The following HMGXB3 variants were observed in gnomAD, a reference collection of about 807,000 sequenced individuals.
HMGXB3 encodes the protein HMG domain-containing protein 3.
A neutral mutation model predicts 121.5 loss-of-function variants in HMGXB3; 45 were observed. The ratio of observed to expected loss-of-function variants is 0.37; its 90% CI spans 0.29 to 0.47. The LOEUF is 0.47. Ranked by LOEUF, HMGXB3 falls within the 20% of genes least tolerant of loss-of-function variation. The probability of loss-of-function intolerance (pLI) is 0.99; values close to 1 mark genes in which losing one functional copy is unlikely to be tolerated. For missense variants in HMGXB3, 1,376 were observed against 1,602.2 expected (o/e 0.86, Z 2.41); for synonymous variants, 590 against 624.1 (o/e 0.95, Z 0.81).
At chr5:150,020,592 A>G (rs187105102) in intron 6 of HMGXB3, among the ~76,000 whole-genome samples, 1 of 151,880 alleles carries the variant, frequency 6.6e-6, no homozygotes, top group East Asian at 1.9e-4. Context: ...CCACTTTGAA[A>G]TAACTTTTTT....
intron 13 of HMGXB3, 125 bp downstream of exon 13, chr5:150,037,652 GTCT>G: frequency 1.3e-6 from 1 of 764,812 alleles, no homozygotes; most frequent in African/African-American, 1.8e-5. Flanking sequence ...GGAAGGGGGA[GTCT>G]TCTTCCTAAA....
rs1170824923 is a variant in HMGXB3 at position 150,026,772 on chromosome 5, A to G, written c.1527A>G (p.Ser509=). 1 of 1,550,774 alleles carries G rather than the reference A, an allele frequency of 6.4e-7. No individual in the cohort carries two copies. The highest frequency in any genetic ancestry group is 2.0e-5 in the Admixed American group (1 of 50,716). Residue 509 remains serine, a synonymous_variant, in exon 8 of 20, where the codon TCA becomes TCG. Transcript: ENST00000502717. ...ELKGRARGKP[S]LLAAARPMRA... ...AAGGCAGAGCACGGGGCAAGCCCTCATTACTGGCTGCAGCAAGACCCATGA... is the reference window on the plus strand; with the variant it reads ...AAGGCAGAGCACGGGGCAAGCCCTCGTTACTGGCTGCAGCAAGACCCATGA...
In HMGXB3 at chr5:150,044,898, C is replaced by T. The variant is rs185317579; in HGVS notation, c.2731-568C>T. Among the ~76,000 whole-genome samples the T allele has an allele frequency of 7.2e-5, 11 of 152,130 alleles. No homozygotes were observed. The East Asian group carries it at 9.7e-4, about 13-fold the overall frequency. On this transcript the variant is annotated intron_variant, in intron 15 of 19. Coordinates refer to ENST00000502717, the MANE Select transcript of HMGXB3 (RefSeq NM_014983.3). The stretch of plus-strand genomic sequence containing the variant: ...TCTATAAGAGATAAGTAAATGCTGC[C>T]CTGGGTAGAGGAGATAGCTGTGTGC...
intron 9 of HMGXB3, among the ~76,000 whole-genome samples, chr5:150,027,335 G>GA (rs765036608): frequency 6.6e-6 from 1 of 152,024 alleles, no homozygotes; most frequent in Non-Finnish European, 1.5e-5. Context: ...TTATAACTTA[G>GA]AAAAAAGTCA....
At chr5:150,033,290 T>C (rs915142740) in intron 11 of HMGXB3, among the ~76,000 whole-genome samples, 1 of 152,210 alleles carries the variant, frequency 6.6e-6, no homozygotes, top group African/African-American at 2.4e-5. Flanking sequence ...GAAATGTCAC[T>C]GGTCTGCCTT....
chr5:150,051,058 C>A (rs1366756665), intron 19 of HMGXB3, among the ~76,000 whole-genome samples: 3 of 152,224 alleles, frequency 2.0e-5, no homozygotes, highest in Non-Finnish European at 2.9e-5. Flanking sequence ...AGAAAACACT[C>A]ATCTTATCCA....
At position 150,052,201 on chromosome 5, in the gene HMGXB3, G is replaced by T. The variant is rs968981560; in HGVS notation, c.*9G>T. 1.6e-5 allele frequency: 24 copies of T among 1,527,216 alleles called. No individual in the cohort carries two copies. In the African/African-American group the frequency reaches 2.8e-4, roughly 17 times the overall value. The allele number at this position is 1,527,216 out of a possible 1,614,324, so 94.6% of individuals were successfully genotyped here. ...CCGCAGTGGCAGAATAAGCCAGGCT[G>T]TTGTACAGGGACTACACCATCTCTC... On this transcript the variant is annotated 3_prime_UTR_variant, in exon 20 of 20. Transcript: ENST00000502717.
intron 16 of HMGXB3, 104 bp from the exon 17 acceptor site, chr5:150,047,519 GC>G: frequency 7.4e-7 from 1 of 1,351,480 alleles, no homozygotes. Context: ...CTGGGGGAGG[GC>G]TTGGTGCAGA....
At chr5:150,038,261 A>G (rs569409898) in intron 13 of HMGXB3, among the ~76,000 whole-genome samples, 13 of 152,280 alleles carry the variant, frequency 8.5e-5, no homozygotes, top group African/African-American at 3.1e-4. Context: ...TGAAGATGAA[A>G]GTGTATTTTT....
chr5:150,039,251 A>C (rs928317060), intron 13 of HMGXB3, among the ~76,000 whole-genome samples: 5 of 152,226 alleles, frequency 3.3e-5, no homozygotes, highest in Non-Finnish European at 5.9e-5. Context: ...TGACATGCCT[A>C]ACAATGTTGA....
intron 5 of HMGXB3, among the ~76,000 whole-genome samples, chr5:150,017,801 A>G (rs542311462): frequency 2.2e-4 from 34 of 152,342 alleles, no homozygotes; most frequent in African/African-American, 7.9e-4. Flanking sequence ...TCCAGCCTTA[A>G]TCTAGAAGCG....
At chr5:150,034,689 T>C (rs1283262120) in intron 11 of HMGXB3, among the ~76,000 whole-genome samples, 1 of 152,236 alleles carries the variant, frequency 6.6e-6, no homozygotes, top group East Asian at 1.9e-4. Flanking sequence ...GTGTAATTAC[T>C]GCTTTCCAGA....
At chr5:150,011,693 C>G (rs1248904959) in intron 4 of HMGXB3, among the ~76,000 whole-genome samples, 1 of 151,202 alleles carries the variant, frequency 6.6e-6, no homozygotes, top group Non-Finnish European at 1.5e-5. Flanking sequence ...CAACCTCCAC[C>G]TCCCGGGTTC....
intron 18 of HMGXB3, 87 bp from the exon 19 acceptor site, chr5:150,050,165 T>C: frequency 8.4e-7 from 1 of 1,192,512 alleles, no homozygotes; most frequent in Non-Finnish European, 1.2e-6. Context: ...ATTGCTCATC[T>C]TCCTGGGAAG....
intron 15 of HMGXB3, among the ~76,000 whole-genome samples, chr5:150,045,094 A>T (rs1224176833): frequency 6.6e-6 from 1 of 152,102 alleles, no homozygotes; most frequent in African/African-American, 2.4e-5. Context: ...GTGCTTGAAT[A>T]CTCACCTCAG....
intron 1 of HMGXB3, among the ~76,000 whole-genome samples, chr5:150,002,228 GGA>G (rs560168869): frequency 6.6e-6 from 1 of 152,250 alleles, no homozygotes; most frequent in East Asian, 1.9e-4. Context: ...GCAATTTCTA[GGA>G]GAGGTTTTTT....
intron 17 of HMGXB3, among the ~76,000 whole-genome samples, chr5:150,048,028 T>A (rs979705013): frequency 6.6e-6 from 1 of 152,252 alleles, no homozygotes; most frequent in Non-Finnish European, 1.5e-5. Flanking sequence ...TTGGATAAGC[T>A]GCTTTATATT....
intron 5 of HMGXB3, among the ~76,000 whole-genome samples, chr5:150,016,480 C>T (rs1320278572): frequency 6.6e-6 from 1 of 152,078 alleles, no homozygotes; most frequent in Non-Finnish European, 1.5e-5. Flanking sequence ...GTTGTGCCCT[C>T]TTGATAAATT....
chr5:150,011,604 G>GT (rs35010665), intron 4 of HMGXB3, among the ~76,000 whole-genome samples: 10,514 of 132,568 alleles, frequency 0.079, 503 homozygotes, highest in African/African-American at 0.1. Flanking sequence ...TTTTTTTTTG[G>GT]TTTTTTTTTT....
Sources: allele counts gnomAD v4.1 joint callset (sites outside exome capture counted in the v4.1 genomes callset), GRCh38; gene constraint gnomAD v4.1.1; transcripts MANE v1.5; gene names NCBI Gene and HGNC (gene_info 2026-07-23, HGNC 2026-07-21).